TNR: variants seen among roughly 807,000 people sequenced by gnomAD.
TNR encodes the protein tenascin R, also known as tenascin-R.
Under a neutral mutation model 150.4 loss-of-function variants are expected in TNR, and 45 were observed. That is an observed-to-expected ratio of 0.30 (90% CI 0.24 to 0.38). The LOEUF (loss-of-function observed/expected upper bound fraction) is 0.38. Ranked by LOEUF, TNR falls within the 10% of genes least tolerant of loss-of-function variation. The probability of loss-of-function intolerance (pLI) is 1.00; values close to 1 mark genes in which losing one functional copy is unlikely to be tolerated. For missense variants in TNR, 1,544 were observed against 1,759.1 expected (o/e 0.88, Z 2.19); for synonymous variants, 687 against 678.4 (o/e 1.01, Z -0.20).
chr1:175,524,989 G>C (rs1659795113), intron 2 of TNR, among the ~76,000 whole-genome samples: 1 of 152,136 alleles, frequency 6.6e-6, no homozygotes, highest in African/African-American at 2.4e-5. Flanking sequence ...GTTTGGCTGT[G>C]TCCCCAACCA....
intron 6 of TNR, among the ~76,000 whole-genome samples, chr1:175,392,669 C>T (rs972338790): frequency 4.6e-5 from 7 of 152,090 alleles, no homozygotes; most frequent in African/African-American, 4.8e-5. Flanking sequence ...ATTTACCTTG[C>T]TGTGATGTGA....
intron 1 of TNR, among the ~76,000 whole-genome samples, chr1:175,597,342 A>G (rs1021156055): frequency 3.9e-5 from 6 of 152,268 alleles, no homozygotes; most frequent in African/African-American, 1.4e-4. Context: ...AGCATCTCCT[A>G]GGGAATGTGA....
At chr1:175,702,761 T>C (rs1205606379) in intron 1 of TNR, among the ~76,000 whole-genome samples, 2 of 152,244 alleles carry the variant, frequency 1.3e-5, no homozygotes, top group Non-Finnish European at 2.9e-5. Context: ...GAAAAACATC[T>C]GGAGCCATTA....
chr1:175,359,574 T>C, intron 15 of TNR, 38 bp downstream of exon 15: 1 of 1,612,366 alleles, frequency 6.2e-7, no homozygotes, highest in East Asian at 2.2e-5. Flanking sequence ...ATTCCCACCA[T>C]TCCCACCTGC....
Position 175,406,711 on chromosome 1 carries a change from C to T in TNR, c.4G>A (p.Gly2Arg). Residue 2 changes from glycine to arginine, a missense_variant, in exon 3 of 23, where the codon GGG becomes AGG. Around this residue, in one of 2 missense-constraint regions of TNR, gnomAD observed 1,254 missense variants for 1,329.4 expected, o/e 0.94. Transcript: ENST00000367674. M[G>R]ADGETVVLKN... ...AGAACCACTGTTTCCCCATCTGCCC[C>T]CATCCTCTCAGCCAGAGATCTGGGT... is the stretch of plus-strand genomic sequence containing the variant. 1 of 1,613,552 alleles carries T rather than the reference C, an allele frequency of 6.2e-7. No homozygotes were observed. Among genetic ancestry groups the T allele is most frequent in the Non-Finnish European group, 8.5e-7 (1 of 1,179,668 alleles).
intron 2 of TNR, among the ~76,000 whole-genome samples, chr1:175,471,691 G>C (rs1183711361): frequency 1.3e-5 from 2 of 152,132 alleles, no homozygotes; most frequent in African/African-American, 4.8e-5. Flanking sequence ...GGAGGCCCAG[G>C]ACATCACCAT....
At chr1:175,564,849 GC>G (rs1661577643) in intron 1 of TNR, among the ~76,000 whole-genome samples, 1 of 152,134 alleles carries the variant, frequency 6.6e-6, no homozygotes, top group Non-Finnish European at 1.5e-5. Context: ...TTCTTGTTCT[GC>G]CCTTGGCTCT....
Position 175,396,728 on chromosome 1 carries a change from C to A in TNR, c.1056G>T (p.Val352=). 6.2e-7 allele frequency: 1 copy of A among 1,614,232 alleles called. No individual in the cohort carries two copies. The highest frequency in any genetic ancestry group is 8.5e-7 in the Non-Finnish European group (1 of 1,180,046). The stretch of plus-strand genomic sequence containing the variant: ...GCTGGTAAGAGATCACATATTCCGT[C>A]ACTGCCATCGGCCCGTCCCATTCCA... The part of the protein sequence containing the change: ...IELEWDGPMA[V]TEYVISYQPT... Residue 352 remains valine (V), a synonymous_variant, in exon 5 of 23, where the codon GTG becomes GTT. Transcript: ENST00000367674.
At chr1:175,442,960 G>A (rs936444428) in intron 2 of TNR, among the ~76,000 whole-genome samples, 2 of 152,076 alleles carry the variant, frequency 1.3e-5, no homozygotes, top group African/African-American at 4.8e-5. Context: ...GGTCTTAGAA[G>A]GCTGTAATAA....
At chr1:175,569,242 A>G (rs1661766306) in intron 1 of TNR, among the ~76,000 whole-genome samples, 1 of 152,206 alleles carries the variant, frequency 6.6e-6, no homozygotes, top group South Asian at 2.1e-4. Context: ...GGAGATAAAG[A>G]CATCTGCAGA....
At position 175,335,787 on chromosome 1, in the gene TNR, A is replaced by G. The variant is rs1650217069; in HGVS notation, c.3555T>C (p.Asn1185=). 1 of 1,614,184 alleles carries G rather than the reference A, an allele frequency of 6.2e-7. No individual in the cohort carries two copies. Among genetic ancestry groups the G allele is most frequent in the Non-Finnish European group, 8.5e-7 (1 of 1,180,014 alleles). ...ATTTCCGGAAAAAATCAGTTTGGCCATTCTGCCGCCTCTGGAATACCTATG... is the reference window on the plus strand; with the variant it reads ...ATTTCCGGAAAAAATCAGTTTGGCCGTTCTGCCGCCTCTGGAATACCTATG... ...GGWIVFQRRQ[N]GQTDFFRKWA... The change falls in exon 20 of 23, where the codon AAT becomes AAC. Residue 1185 remains asparagine, a synonymous_variant. Coordinates refer to ENST00000367674, the MANE Select transcript of TNR (RefSeq NM_003285.3).
intron 20 of TNR, among the ~76,000 whole-genome samples, chr1:175,335,018 G>C (rs551663011): frequency 6.6e-6 from 1 of 152,264 alleles, no homozygotes; most frequent in East Asian, 1.9e-4. Flanking sequence ...AGGGAAGACA[G>C]AGAGGAGACC....
chr1:175,474,104 C>T (rs1431583823), intron 2 of TNR, among the ~76,000 whole-genome samples: 2 of 152,026 alleles, frequency 1.3e-5, no homozygotes, highest in East Asian at 1.9e-4. Flanking sequence ...ATGAGATCTT[C>T]CCAGAGATGT....
At chr1:175,699,119 G>T (rs141285966) in intron 1 of TNR, among the ~76,000 whole-genome samples, 58 of 152,264 alleles carry the variant, frequency 3.8e-4, no homozygotes, top group East Asian at 3.9e-4. Context: ...TGCTTAGAAG[G>T]TGGAGCCAGC....
At chr1:175,364,895 G>T in intron 12 of TNR, 115 bp downstream of exon 12, 2 of 1,304,544 alleles carry the variant, frequency 1.5e-6, no homozygotes, top group Non-Finnish European at 2.1e-6. Flanking sequence ...ACTTTCTCTA[G>T]CCATAGAGGA....
chr1:175,454,325 G>C (rs1020302963), intron 2 of TNR, among the ~76,000 whole-genome samples: 1 of 152,174 alleles, frequency 6.6e-6, no homozygotes, highest in South Asian at 2.1e-4. Flanking sequence ...TTCATTCACA[G>C]TGTGCCAAAC....
intron 2 of TNR, among the ~76,000 whole-genome samples, chr1:175,419,452 A>T (rs1654653350): frequency 6.6e-6 from 1 of 152,076 alleles, no homozygotes; most frequent in South Asian, 2.1e-4. Context: ...TAGGTTATTA[A>T]AAAAACCCAC....
intron 2 of TNR, among the ~76,000 whole-genome samples, chr1:175,480,772 CT>C (rs1032111128): frequency 3.9e-4 from 59 of 152,262 alleles, no homozygotes; most frequent in African/African-American, 1.3e-3. Context: ...TTCATACTGC[CT>C]TTTTTTCTGA....
chr1:175,515,600 A>T (rs1382151854), intron 2 of TNR, among the ~76,000 whole-genome samples: 1 of 152,194 alleles, frequency 6.6e-6, no homozygotes, highest in African/African-American at 2.4e-5. Flanking sequence ...GTCTAAGAAG[A>T]GATGAGGCTG....
Sources: allele counts gnomAD v4.1 joint callset (sites outside exome capture counted in the v4.1 genomes callset), GRCh38; gene constraint gnomAD v4.1.1; regional missense constraint gnomAD v4.1.1; transcripts MANE v1.5; gene names NCBI Gene and HGNC (gene_info 2026-07-23, HGNC 2026-07-21).